Variants in STRBP observed in about 807,000 individuals in gnomAD.
STRBP encodes the protein spermatid perinuclear RNA-binding protein.
In STRBP, 13 loss-of-function variants were observed where a neutral mutation model predicts 80.1. The observed-to-expected ratio is 0.16, with a 90% confidence interval of 0.11 to 0.26. The LOEUF (loss-of-function observed/expected upper bound fraction) is 0.26. Ranked by LOEUF, STRBP falls within the 10% of genes least tolerant of loss-of-function variation. The pLI is 1.00. For missense variants in STRBP, 485 were observed against 815.2 expected (o/e 0.59, Z 4.93); for synonymous variants, 284 against 291.2 (o/e 0.98, Z 0.25).
chr9:123,143,472 C>T (rs745402612), intron 13 of STRBP, among the ~76,000 whole-genome samples: 6 of 152,192 alleles, frequency 3.9e-5, no homozygotes, highest in South Asian at 2.1e-4. Context: ...CCTCACCAAG[C>T]GATTGAGTAA....
At chr9:123,119,854 G>A (rs930339275), downstream of STRBP, among the ~76,000 whole-genome samples, 5 of 152,152 alleles carry the variant, frequency 3.3e-5, no homozygotes, top group South Asian at 2.1e-4. Context: ...CCAGATTCCC[G>A]CATGGTTTCT....
At chr9:123,243,302 T>C (rs984654064) in intron 1 of STRBP, among the ~76,000 whole-genome samples, 5 of 148,140 alleles carry the variant, frequency 3.4e-5, no homozygotes, top group African/African-American at 1.2e-4. Context: ...AGAGCTTTCA[T>C]CTAAACTTCA....
intron 17 of STRBP, among the ~76,000 whole-genome samples, chr9:123,131,139 G>A (rs1236114160): frequency 6.6e-6 from 1 of 152,200 alleles, no homozygotes; most frequent in East Asian, 1.9e-4. Flanking sequence ...AGTTTGAAAT[G>A]TACAATACAT....
chr9:123,155,846 G>A (rs1016872714), intron 11 of STRBP, among the ~76,000 whole-genome samples: 2 of 151,808 alleles, frequency 1.3e-5, no homozygotes, highest in East Asian at 1.9e-4. Flanking sequence ...GGAAATCACC[G>A]AGAATAACAC....
intron 2 of STRBP, among the ~76,000 whole-genome samples, chr9:123,211,019 T>C (rs868074396): frequency 2.6e-4 from 39 of 152,186 alleles, no homozygotes; most frequent in Middle Eastern, 3.2e-3. Context: ...TAACCTATTA[T>C]GCAGGGATTT....
intron 5 of STRBP, among the ~76,000 whole-genome samples, chr9:123,170,490 A>C (rs1277691238): frequency 6.6e-6 from 1 of 152,216 alleles, no homozygotes; most frequent in Non-Finnish European, 1.5e-5. Flanking sequence ...AAAACTTATG[A>C]ATATAGGATT....
intron 2 of STRBP, among the ~76,000 whole-genome samples, chr9:123,232,518 T>A (rs1185142327): frequency 6.6e-6 from 1 of 152,160 alleles, no homozygotes. Flanking sequence ...TTCATTCCAT[T>A]CACAAAAGTG....
At chr9:123,220,288 A>T (rs2040026470) in intron 2 of STRBP, among the ~76,000 whole-genome samples, 1 of 152,240 alleles carries the variant, frequency 6.6e-6, no homozygotes. Flanking sequence ...CATAAAGTGT[A>T]CTTACACAAA....
chr9:123,134,411 A>G (rs2036269673), intron 16 of STRBP, among the ~76,000 whole-genome samples: 1 of 151,852 alleles, frequency 6.6e-6, no homozygotes, highest in Admixed American at 6.6e-5. Flanking sequence ...AGGAACCTCT[A>G]CCTCTAGTAT....
chr9:123,200,123 T>C (rs2039260395), intron 2 of STRBP, among the ~76,000 whole-genome samples: 1 of 152,222 alleles, frequency 6.6e-6, no homozygotes, highest in African/African-American at 2.4e-5. Flanking sequence ...TCTGCATCTA[T>C]TGAGATGATC....
intron 16 of STRBP, 24 bp from the exon 17 acceptor site, chr9:123,132,992 T>C (rs1179864324): frequency 1.9e-6 from 3 of 1,606,912 alleles, no homozygotes; most frequent in Non-Finnish European, 2.5e-6. Flanking sequence ...ACATTTTCAT[T>C]ACTGAAAGAA....
At chr9:123,118,888 G>A (rs1241312957), downstream of STRBP, among the ~76,000 whole-genome samples, 1 of 152,180 alleles carries the variant, frequency 6.6e-6, no homozygotes, top group Non-Finnish European at 1.5e-5. Flanking sequence ...AAGATAAGAC[G>A]TGCACCCTCT....
intron 1 of STRBP, among the ~76,000 whole-genome samples, chr9:123,260,228 A>G (rs1171341369): frequency 6.6e-6 from 1 of 152,184 alleles, no homozygotes; most frequent in African/African-American, 2.4e-5. Context: ...CTGTTAATAG[A>G]ATTTCACTAG....
intron 18 of STRBP, 37 bp downstream of exon 18, chr9:123,128,177 T>C: frequency 6.2e-7 from 1 of 1,612,624 alleles, no homozygotes; most frequent in Non-Finnish European, 8.5e-7. Context: ...GCTGTGACAG[T>C]CGCTAAGAGG....
chr9:123,169,507 A>G (rs2037918406), intron 6 of STRBP, among the ~76,000 whole-genome samples: 1 of 152,158 alleles, frequency 6.6e-6, no homozygotes, highest in Admixed American at 6.5e-5. Context: ...AGTAAATTTG[A>G]AAACAATTCT....
At chr9:123,216,729 T>G (rs1322423762) in intron 2 of STRBP, among the ~76,000 whole-genome samples, 1 of 152,256 alleles carries the variant, frequency 6.6e-6, no homozygotes, top group African/African-American at 2.4e-5. Context: ...TGTCCCATCT[T>G]GTAAAACTGA....
intron 17 of STRBP, among the ~76,000 whole-genome samples, chr9:123,132,301 C>CAAATT (rs1024280479): frequency 1.7e-4 from 26 of 151,886 alleles, no homozygotes; most frequent in Non-Finnish European, 1.8e-4. Flanking sequence ...AGATTAAAAA[C>CAAATT]AAATTAAATT....
intron 1 of STRBP, among the ~76,000 whole-genome samples, chr9:123,250,743 C>T (rs1045011172): frequency 6.6e-6 from 1 of 152,156 alleles, no homozygotes; most frequent in Non-Finnish European, 1.5e-5. Flanking sequence ...AGATTTTCAG[C>T]AAAAGGCTTT....
intron 1 of STRBP, among the ~76,000 whole-genome samples, chr9:123,246,176 A>G (rs1472083116): frequency 4.6e-5 from 7 of 152,240 alleles, no homozygotes; most frequent in Admixed American, 4.6e-4. Flanking sequence ...CACAAATTTA[A>G]CTACCCACAG....
Sources: allele counts gnomAD v4.1 joint callset (sites outside exome capture counted in the v4.1 genomes callset), GRCh38; gene constraint gnomAD v4.1.1; transcripts MANE v1.5; gene names NCBI Gene and HGNC (gene_info 2026-07-23, HGNC 2026-07-21).